Variants in ICA1L observed in about 807,000 individuals in gnomAD.
ICA1L encodes islet cell autoantigen 1-like protein.
In ICA1L, 50 loss-of-function variants were observed where a neutral mutation model predicts 61.3. The observed-to-expected ratio is 0.82, with a 90% CI of 0.65 to 1.03. The LOEUF is 1.03. ICA1L is among the 50% of genes least tolerant of loss of function. The probability of loss-of-function intolerance (pLI) is 0.00; values close to 1 mark genes in which losing one functional copy is unlikely to be tolerated. For missense variants in ICA1L, 508 were observed against 556.7 expected (o/e 0.91, Z 0.88); for synonymous variants, 161 against 191.3 (o/e 0.84, Z 1.31).
intron 9 of ICA1L, among the ~76,000 whole-genome samples, chr2:202,808,868 T>G (rs1409351961): frequency 6.6e-6 from 1 of 152,210 alleles, no homozygotes; most frequent in Non-Finnish European, 1.5e-5. Context: ...AAGATTTAGA[T>G]GACAACAACT....
At chr2:202,867,782 T>TA (rs1687563490) in intron 1 of ICA1L, among the ~76,000 whole-genome samples, 1 of 152,176 alleles carries the variant, frequency 6.6e-6, no homozygotes, top group Non-Finnish European at 1.5e-5. Context: ...CGTGGGAATA[T>TA]AAAATGGGTA....
At chr2:202,825,902 T>G in intron 2 of ICA1L, 135 bp from the exon 3 acceptor site, 3 of 519,400 alleles carry the variant, frequency 5.8e-6, no homozygotes, top group Non-Finnish European at 9.5e-6. Context: ...TTCTTGGCTA[T>G]GACATGCTTC....
At chr2:202,851,105 C>A (rs1460578620) in intron 1 of ICA1L, among the ~76,000 whole-genome samples, 1 of 151,806 alleles carries the variant, frequency 6.6e-6, no homozygotes, top group Non-Finnish European at 1.5e-5. Flanking sequence ...TGGTGTGCTG[C>A]ACCCATTAAC....
chr2:202,847,703 A>ATATATATATATATATATATG lies in ICA1L; in HGVS notation c.-7-18688_-7-18687insCATATATATATATATATATA, dbSNP rs11274512. On this transcript the variant is annotated intron_variant, in intron 1 of 12. Coordinates refer to ENST00000358299, the MANE Select transcript of ICA1L (RefSeq NM_001288622.3). ...GAAATATTATATGGGAATTATATAT[A>ATATATATATATATATATATG]TATATAGTTAAGCAGTGAGAACAAA... Among the ~76,000 whole-genome samples, 68 of 131,252 alleles carry ATATATATATATATATATATG rather than the reference A, an allele frequency of 5.2e-4. 5 individuals are homozygous for ATATATATATATATATATATG. The highest frequency in any genetic ancestry group is 1.2e-3 in the African/African-American group (42 of 34,968). The allele number at this position is 131,252 out of a possible 152,430, so 86.1% of individuals were successfully genotyped here.
Position 202,827,709 on chromosome 2 carries a change from A to C in ICA1L, c.162+1139T>G, listed in dbSNP as rs1041051169. On this transcript the variant is annotated intron_variant, in intron 2 of 12. Coordinates refer to ENST00000358299, the MANE Select transcript of ICA1L (RefSeq NM_001288622.3). ...AGTTCCTGTTGCGTTAAAACATACA[A>C]CACCAATAATAATAAAGTCTTCATT... 3.3e-5 allele frequency among the ~76,000 whole-genome samples: 5 copies of C among 152,174 alleles called. No homozygotes were observed. The East Asian group carries it at 5.8e-4, about 18-fold the overall frequency.
At chr2:202,803,725 A>G (rs1693152932) in intron 9 of ICA1L, among the ~76,000 whole-genome samples, 1 of 152,098 alleles carries the variant, frequency 6.6e-6, no homozygotes, top group Non-Finnish European at 1.5e-5. Context: ...ACGGGGTTTC[A>G]CCATGTTGCC....
intron 9 of ICA1L, among the ~76,000 whole-genome samples, chr2:202,804,403 G>A (rs891290226): frequency 6.6e-6 from 1 of 152,094 alleles, no homozygotes; most frequent in Non-Finnish European, 1.5e-5. Context: ...TTCCATCTGC[G>A]ATGAGCACCC....
At chr2:202,854,329 CAAG>C (rs1162555584) in intron 1 of ICA1L, among the ~76,000 whole-genome samples, 2 of 152,008 alleles carry the variant, frequency 1.3e-5, no homozygotes, top group African/African-American at 4.8e-5. Flanking sequence ...ATCAATGCAA[CAAG>C]AAGAGCTAAC....
intron 12 of ICA1L, among the ~76,000 whole-genome samples, chr2:202,784,855 TAAA>T (rs1349090798): frequency 3.3e-5 from 5 of 152,114 alleles, no homozygotes; most frequent in African/African-American, 7.2e-5. Context: ...ATTTACAAGA[TAAA>T]AAAGTTCTGA....
chr2:202,816,626 A>G (rs188368991), intron 6 of ICA1L, among the ~76,000 whole-genome samples: 166 of 152,314 alleles, frequency 1.1e-3, no homozygotes, highest in Non-Finnish European at 2.0e-3. Flanking sequence ...CTAAACAGAT[A>G]TCACACACTG....
intron 1 of ICA1L, among the ~76,000 whole-genome samples, chr2:202,868,782 T>C (rs1477075845): frequency 1.3e-5 from 2 of 149,944 alleles, no homozygotes; most frequent in East Asian, 2.0e-4. Flanking sequence ...GCCTGAACAA[T>C]ATGGTAAAAC....
At chr2:202,868,537 A>G (rs1329690927) in intron 1 of ICA1L, among the ~76,000 whole-genome samples, 1 of 152,246 alleles carries the variant, frequency 6.6e-6, no homozygotes, top group Non-Finnish European at 1.5e-5. Context: ...GACACACAGT[A>G]GATACTCAAT....
chr2:202,841,645 G>A, intron 1 of ICA1L: 1 of 595,768 alleles, frequency 1.7e-6, no homozygotes, highest in South Asian at 1.5e-5. Context: ...AGATGCTGCT[G>A]CCCACTCGGG....
intron 12 of ICA1L, among the ~76,000 whole-genome samples, chr2:202,782,783 A>C (rs903980581): frequency 1.2e-4 from 18 of 152,042 alleles, no homozygotes; most frequent in African/African-American, 4.1e-4. Context: ...TTTTCCTCGA[A>C]AATCAGCCTC....
chr2:202,819,975 A>G lies in ICA1L; in HGVS notation c.360-76T>C. ...CAAAACAAAGGTTTAAACCAATGAA[A>G]AAGCATATTTGCTAACAAGATGAAT... On this transcript the variant is annotated intron_variant, in intron 4 of 12. Transcript: ENST00000358299. 5 of 1,086,228 alleles carry G rather than the reference A, an allele frequency of 4.6e-6. No individual in the cohort carries two copies. In the Admixed American group the frequency reaches 1.1e-4, roughly 24 times the overall value. The allele number at this position is 1,086,228 out of a possible 1,614,324, so 67.3% of individuals were successfully genotyped here. A position where few individuals can be genotyped will look rare whatever the true frequency, so the allele number is the denominator to read the frequency against.
At chr2:202,779,776 CT>C in intron 12 of ICA1L, 128 bp from the exon 13 acceptor site, 1 of 596,296 alleles carries the variant, frequency 1.7e-6, no homozygotes, top group Non-Finnish European at 2.9e-6. Context: ...TGACAATAAT[CT>C]ATCAACTATA....
intron 10 of ICA1L, among the ~76,000 whole-genome samples, chr2:202,789,357 G>A (rs918185553): frequency 6.6e-6 from 1 of 152,090 alleles, no homozygotes; most frequent in Non-Finnish European, 1.5e-5. Context: ...AACCAAAGGA[G>A]ATGCAAAAGA....
intron 9 of ICA1L, among the ~76,000 whole-genome samples, chr2:202,810,658 A>G (rs980492475): frequency 3.3e-5 from 5 of 152,224 alleles, no homozygotes; most frequent in Non-Finnish European, 7.3e-5. Context: ...GATAACCTTA[A>G]ACTCTGACTG....
intron 9 of ICA1L, among the ~76,000 whole-genome samples, chr2:202,799,804 AG>A (rs949831248): frequency 2.6e-5 from 4 of 151,194 alleles, no homozygotes; most frequent in African/African-American, 9.7e-5. Context: ...GGTGAGAGAT[AG>A]GGGTCCAGGT....
Sources: gnomAD v4.1 joint callset for allele counts (sites outside exome capture counted in the v4.1 genomes callset) on GRCh38, gnomAD v4.1.1 for gene constraint, MANE v1.5 for transcripts, NCBI Gene and HGNC (gene_info 2026-07-23, HGNC 2026-07-21) for gene names.